WDR72: variants seen among roughly 807,000 people sequenced by gnomAD.
WDR72 encodes WD repeat-containing protein 72.
WDR72 carries 120 observed loss-of-function variants against 124.2 expected under a neutral mutation model. That is an observed-to-expected ratio of 0.97 (90% CI 0.83 to 1.12). The LOEUF (loss-of-function observed/expected upper bound fraction) is 1.12. WDR72 is among the 50% of genes most tolerant of loss of function. WDR72 has a pLI of 0.00. For synonymous variants in WDR72, 452 were observed against 441.7 expected (o/e 1.02, Z -0.29); for missense variants, 1,387 against 1,278.8 (o/e 1.08, Z -1.29).
intron 13 of WDR72, among the ~76,000 whole-genome samples, chr15:53,672,892 G>A (rs1214119090): frequency 2.6e-5 from 4 of 152,182 alleles, no homozygotes; most frequent in Admixed American, 2.0e-4. Flanking sequence ...CACTTTGGGA[G>A]ACTGAGGCGG....
intron 13 of WDR72, among the ~76,000 whole-genome samples, chr15:53,680,901 G>T (rs1402712031): frequency 6.6e-6 from 1 of 152,178 alleles, no homozygotes; most frequent in East Asian, 1.9e-4. Context: ...TGCCTGGGAT[G>T]CACTGACAAG....
At chr15:53,606,956 C>T (rs2013311977) in intron 17 of WDR72, among the ~76,000 whole-genome samples, 1 of 152,094 alleles carries the variant, frequency 6.6e-6, no homozygotes, top group Non-Finnish European at 1.5e-5. Context: ...ATAGCATCAG[C>T]CCCTATAGTA....
chr15:53,699,916 C>T lies in WDR72; in HGVS notation c.1599G>A (p.Val533=), dbSNP rs750961074. 1 of 1,614,172 alleles carries T rather than the reference C, an allele frequency of 6.2e-7. No homozygotes were observed. The highest frequency in any genetic ancestry group is 1.3e-5 in the African/African-American group (1 of 75,050). The part of the protein sequence containing the change: ...KLRGEQIICC[V]CGDHSVALLH... ...GGAGAGCCACGGAATGGTCACCGCA[C>T]ACACAGCAAATTATCTGCTCACCCC... Residue 533 remains valine, a synonymous_variant, in exon 13 of 20, where the codon GTG becomes GTA. Transcript: ENST00000360509.
chr15:53,623,594 T>C (rs2014091023), intron 14 of WDR72, among the ~76,000 whole-genome samples: 1 of 152,186 alleles, frequency 6.6e-6, no homozygotes, highest in African/African-American at 2.4e-5. Flanking sequence ...ATCTTTGCTA[T>C]TGTGAATAGT....
chr15:53,628,961 G>A (rs2014314087), intron 14 of WDR72, among the ~76,000 whole-genome samples: 1 of 152,080 alleles, frequency 6.6e-6, no homozygotes, highest in South Asian at 2.1e-4. Flanking sequence ...AGATAATAAG[G>A]CTTTAGAGTC....
At chr15:53,674,393 T>C (rs916035293) in intron 13 of WDR72, among the ~76,000 whole-genome samples, 3 of 152,204 alleles carry the variant, frequency 2.0e-5, no homozygotes, top group Admixed American at 6.5e-5. Flanking sequence ...ATGAAGTTCA[T>C]TGCCTTGCTC....
intron 1 of WDR72, among the ~76,000 whole-genome samples, chr15:53,734,842 C>T (rs978145111): frequency 2.6e-5 from 4 of 150,948 alleles, no homozygotes; most frequent in African/African-American, 9.7e-5. Flanking sequence ...TATATAATTC[C>T]GGAATGAATT....
At chr15:53,520,021 C>A (rs1401072042) in intron 19 of WDR72, among the ~76,000 whole-genome samples, 4 of 152,104 alleles carry the variant, frequency 2.6e-5, no homozygotes, top group African/African-American at 4.8e-5. Flanking sequence ...TTTTAAAACT[C>A]TATCAACATC....
chr15:53,659,775 C>T (rs182031299), intron 14 of WDR72, among the ~76,000 whole-genome samples: 12 of 151,722 alleles, frequency 7.9e-5, no homozygotes, highest in African/African-American at 2.2e-4. Flanking sequence ...CTATAAAACT[C>T]TTATGGTAAA....
intron 13 of WDR72, among the ~76,000 whole-genome samples, chr15:53,676,682 T>C (rs2016183053): frequency 6.6e-6 from 1 of 152,210 alleles, no homozygotes; most frequent in South Asian, 2.1e-4. Context: ...TTGGCTGACA[T>C]ATTTATTTTG....
intron 18 of WDR72, among the ~76,000 whole-genome samples, chr15:53,556,318 T>G (rs1893930458): frequency 1.3e-5 from 2 of 152,182 alleles, no homozygotes; most frequent in African/African-American, 4.8e-5. Context: ...AGAGTATTGT[T>G]AGAACTAAAG....
chr15:53,578,594 G>A (rs2011743535), intron 18 of WDR72, among the ~76,000 whole-genome samples: 1 of 152,142 alleles, frequency 6.6e-6, no homozygotes, highest in Admixed American at 6.5e-5. Context: ...GAGTTGTAGA[G>A]TTTGAGGTAG....
intron 14 of WDR72, among the ~76,000 whole-genome samples, chr15:53,659,934 C>T (rs2015553560): frequency 1.3e-5 from 2 of 151,828 alleles, no homozygotes; most frequent in Admixed American, 6.6e-5. Context: ...TTGAGATTCA[C>T]CAAATCAAAA....
intron 15 of WDR72, among the ~76,000 whole-genome samples, chr15:53,615,069 T>C (rs1224101826): frequency 6.6e-6 from 1 of 152,006 alleles, no homozygotes; most frequent in African/African-American, 2.4e-5. Flanking sequence ...CCATGTATAA[T>C]GGATTTCAAG....
At position 53,597,284 on chromosome 15, in the gene WDR72, AT is replaced by A. The variant is rs771748610; in HGVS notation, c.2953-11del. 4.3e-5 allele frequency: 70 copies of A among 1,612,780 alleles called. No individual in the cohort carries two copies. Among genetic ancestry groups the A allele is most frequent in the Non-Finnish European group, 5.4e-5 (64 of 1,179,444 alleles). On this transcript the variant is annotated splice_polypyrimidine_tract_variant and intron_variant, in intron 17 of 19. Coordinates refer to ENST00000360509, the MANE Select transcript of WDR72 (RefSeq NM_182758.4). ...GTATTGCTTCAGTTACCTGTAAGGT[AT>A]TTTTTTAAGTGAATTATTTTTAGTA...
chr15:53,613,783 A>G (rs755241936), intron 15 of WDR72, 26 bp from the exon 16 acceptor site: 1 of 1,459,752 alleles, frequency 6.9e-7, no homozygotes, highest in East Asian at 2.3e-5. Context: ...TTGACAGCAT[A>G]TTACTAAAAA....
In WDR72 at chr15:53,597,560, T is replaced by C. The variant is rs573361558; in HGVS notation, c.2953-286A>G. 2.6e-5 allele frequency among the ~76,000 whole-genome samples: 4 copies of C among 151,224 alleles called. No homozygotes were observed. The South Asian group carries it at 8.4e-4, about 32-fold the overall frequency. On this transcript the variant is annotated intron_variant, in intron 17 of 19. Coordinates refer to ENST00000360509, the MANE Select transcript of WDR72 (RefSeq NM_182758.4). The stretch of plus-strand genomic sequence containing the variant: ...CATTACACTATGGGACAAAGAGGAG[T>C]TTTTAATTATTTTTCCTATTTTCAT...
intron 11 of WDR72, 33 bp from the exon 12 acceptor site, chr15:53,702,387 T>A (rs1481982729): frequency 1.3e-6 from 2 of 1,524,724 alleles, no homozygotes; most frequent in South Asian, 2.3e-5. Context: ...ATAATACAGA[T>A]GTTATTTTTG....
At chr15:53,651,710 T>G (rs1386056899) in intron 14 of WDR72, among the ~76,000 whole-genome samples, 1 of 152,212 alleles carries the variant, frequency 6.6e-6, no homozygotes, top group African/African-American at 2.4e-5. Context: ...TGGAGTGCAG[T>G]GGCGAGATCT....
Sources: gnomAD v4.1 joint callset for allele counts (sites outside exome capture counted in the v4.1 genomes callset) on GRCh38, gnomAD v4.1.1 for gene constraint, MANE v1.5 for transcripts, NCBI Gene and HGNC (gene_info 2026-07-23, HGNC 2026-07-21) for gene names.